The following CPEB2 variants were observed in gnomAD, a reference collection of about 807,000 sequenced individuals.
The protein encoded by CPEB2 is cytoplasmic polyadenylation element binding protein 2, also known as cytoplasmic polyadenylation element-binding protein 2.
A neutral mutation model predicts 93.6 loss-of-function variants in CPEB2; 56 were observed. The ratio of observed to expected loss-of-function variants is 0.60; its 90% CI spans 0.48 to 0.75. The LOEUF is 0.75. CPEB2 is among the 30% of genes least tolerant of loss of function. The probability of loss-of-function intolerance (pLI) is 0.00; values close to 1 mark genes in which losing one functional copy is unlikely to be tolerated. For synonymous variants in CPEB2, 764 were observed against 586.3 expected, an observed-to-expected ratio of 1.30 and a Z score of -4.38; for missense variants, 1,579 against 1,395.1, an observed-to-expected ratio of 1.13 and a Z score of -2.10.
chr4:15,058,842 C>A (rs1728943770), intron 9 of CPEB2, among the ~76,000 whole-genome samples: 1 of 152,072 alleles, frequency 6.6e-6, no homozygotes, highest in East Asian at 1.9e-4. Context: ...GGAATGCGAA[C>A]CCTATTGTGA....
intron 5 of CPEB2, among the ~76,000 whole-genome samples, chr4:15,034,056 T>C (rs908485801): frequency 2.0e-5 from 3 of 152,126 alleles, no homozygotes; most frequent in Non-Finnish European, 4.4e-5. Context: ...TGAACTAATA[T>C]TAAGACAGAA....
At chr4:15,029,668 G>C (rs1235484604) in intron 4 of CPEB2, among the ~76,000 whole-genome samples, 1 of 152,004 alleles carries the variant, frequency 6.6e-6, no homozygotes, top group Non-Finnish European at 1.5e-5. Flanking sequence ...ACTCCTAAGT[G>C]GCTTGAGTAA....
intron 6 of CPEB2, among the ~76,000 whole-genome samples, chr4:15,043,678 TG>T (rs1035091389): frequency 2.6e-5 from 4 of 152,072 alleles, no homozygotes; most frequent in African/African-American, 9.7e-5. Context: ...AGGGCTACTG[TG>T]TTCCAAAAGG....
intron 5 of CPEB2, among the ~76,000 whole-genome samples, chr4:15,037,085 G>A (rs1409406980): frequency 2.6e-5 from 4 of 152,078 alleles, no homozygotes; most frequent in East Asian, 1.9e-4. Flanking sequence ...GGCAGATCAC[G>A]AGGTCAGGAG....
Position 15,003,011 on chromosome 4 carries a change from C to T in CPEB2, c.338C>T (p.Ala113Val), listed in dbSNP as rs751618952. The T allele has an allele frequency of 4.7e-6, 7 of 1,495,548 alleles. No homozygotes were observed. The African/African-American group carries it at 7.2e-5, about 15-fold the overall frequency. The allele number at this position is 1,495,548 out of a possible 1,614,324, so 92.6% of individuals were successfully genotyped here. ...QQPARPLSGA[A>V]ATEKLPDHHP... is the part of the protein sequence containing the mutation. ...CCGGCGCGGCCGCTTTCGGGGGCGG[C>T]GGCCACGGAGAAACTCCCCGACCAC... The change falls in exon 1 of 12, where the codon GCG becomes GTG. Residue 113 changes from alanine to valine, a missense_variant. This residue lies in a region of CPEB2 where 1,411 missense variants were observed against 1,056.0 expected (regional missense o/e 1.34). Coordinates refer to ENST00000538197, the MANE Select transcript of CPEB2 (RefSeq NM_001177382.2).
chr4:15,052,985 G>A (rs748619936), intron 7 of CPEB2, among the ~76,000 whole-genome samples: 1 of 151,464 alleles, frequency 6.6e-6, no homozygotes. Flanking sequence ...GCAATGCTTG[G>A]TAATCAAAAG....
intron 1 of CPEB2, 55 bp downstream of exon 1, chr4:15,004,390 G>A: frequency 3.8e-6 from 5 of 1,307,220 alleles, no homozygotes; most frequent in Non-Finnish European, 5.0e-6. Flanking sequence ...ATGGGCGGGG[G>A]ACGGAGGCGG....
intron 6 of CPEB2, among the ~76,000 whole-genome samples, chr4:15,040,904 C>A (rs1727110152): frequency 6.6e-6 from 1 of 152,068 alleles, no homozygotes; most frequent in Non-Finnish European, 1.5e-5. Context: ...TATGTTGACC[C>A]AGTTGAAAAT....
At chr4:15,031,709 A>G (rs952412742) in intron 4 of CPEB2, among the ~76,000 whole-genome samples, 3 of 152,198 alleles carry the variant, frequency 2.0e-5, no homozygotes, top group African/African-American at 7.2e-5. Context: ...TCTCAGGTGA[A>G]GTGTGTATAT....
chr4:15,061,572 TGGG>T (rs999020532), intron 10 of CPEB2, among the ~76,000 whole-genome samples: 18 of 150,648 alleles, frequency 1.2e-4, no homozygotes, highest in East Asian at 9.8e-4. Context: ...GGAGAGGAAT[TGGG>T]GGGAATACTG....
At chr4:15,006,308 C>T (rs1427452478) in intron 1 of CPEB2, 1 of 151,624 alleles carries the variant, frequency 6.6e-6, no homozygotes, top group African/African-American at 2.4e-5. Context: ...TTAAGAGAAC[C>T]ATATTTATTT....
intron 1 of CPEB2, chr4:15,004,996 C>T (rs1722604572): frequency 6.6e-6 from 1 of 152,202 alleles, no homozygotes; most frequent in Non-Finnish European, 1.5e-5. Context: ...GCCTCAGCCC[C>T]TCGGGCGGTC....
chr4:15,022,587 T>G (rs62409269), intron 4 of CPEB2, among the ~76,000 whole-genome samples: 73,243 of 151,866 alleles, frequency 0.48, 18,554 homozygotes, highest in East Asian at 0.75. Context: ...TCTTTTTCCT[T>G]TGTTGATTTT....
chr4:15,008,408 G>C lies in CPEB2; in HGVS notation c.2015G>C (p.Gly672Ala). 1 of 1,613,410 alleles carries C rather than the reference G, an allele frequency of 6.2e-7. No homozygotes were observed. Among genetic ancestry groups the C allele is most frequent in the Non-Finnish European group, 8.5e-7 (1 of 1,179,472 alleles). Residue 672 changes from glycine (G) to alanine (A), a missense_variant, in exon 3 of 12, where the codon GGA (glycine) becomes GCA (alanine). By Grantham distance (60) the Gly-to-Ala change is moderately conservative. Transcript: ENST00000538197. ...SLQDSWCTAA[G>A]TSRIDQDRSR... The stretch of plus-strand genomic sequence containing the variant: ...CAAGATAGTTGGTGCACTGCAGCCG[G>C]AACATCCAGAATAGACCAGGTAGGC...
At chr4:15,049,114 T>C (rs970495653) in intron 6 of CPEB2, among the ~76,000 whole-genome samples, 2 of 152,130 alleles carry the variant, frequency 1.3e-5, no homozygotes, top group African/African-American at 4.8e-5. Context: ...TTTGTTTAGC[T>C]GAACTTCGTT....
At chr4:15,062,477 C>T (rs1027309933) in intron 11 of CPEB2, among the ~76,000 whole-genome samples, 2 of 151,822 alleles carry the variant, frequency 1.3e-5, no homozygotes, top group Non-Finnish European at 2.9e-5. Context: ...ATTGTGCAGC[C>T]ATGTCAAAAT....
At chr4:15,044,862 G>T (rs950238438) in intron 6 of CPEB2, among the ~76,000 whole-genome samples, 1 of 152,098 alleles carries the variant, frequency 6.6e-6, no homozygotes, top group Admixed American at 6.5e-5. Context: ...AGAGACCATA[G>T]GGGATAGCCA....
At chr4:15,058,597 T>G in intron 9 of CPEB2, 58 bp downstream of exon 9, 1 of 910,052 alleles carries the variant, frequency 1.1e-6, no homozygotes, top group Admixed American at 2.1e-5. Flanking sequence ...AAAATTGTTT[T>G]GAAATGATTG....
At position 15,002,717 on chromosome 4, in the gene CPEB2, GA is replaced by G; in HGVS notation, c.46del (p.Ser16ValfsTer44). On this transcript the variant is annotated frameshift_variant, in exon 1 of 12. Transcript: ENST00000538197. LOFTEE classifies it high-confidence loss of function. ...GFGVLQTAPL[R>X]SSSPGPLFCG... The stretch of plus-strand genomic sequence containing the variant: ...GGGGTGCTGCAGACCGCCCCGCTCC[GA>G]AGTAGCAGTCCTGGGCCCCTGTTCT... 2 of 1,527,664 alleles carry G rather than the reference GA, an allele frequency of 1.3e-6. No homozygotes were observed. Among genetic ancestry groups the G allele is most frequent in the Non-Finnish European group, 1.7e-6 (2 of 1,143,214 alleles). The allele number at this position is 1,527,664 out of a possible 1,614,324, so 94.6% of individuals were successfully genotyped here.
Sources: allele counts gnomAD v4.1 joint callset (sites outside exome capture counted in the v4.1 genomes callset), GRCh38; gene constraint gnomAD v4.1.1; regional missense constraint gnomAD v4.1.1; transcripts MANE v1.5; gene names NCBI Gene and HGNC (gene_info 2026-07-23, HGNC 2026-07-21).